Variants in ATP8A1 observed in about 807,000 individuals in gnomAD.
ATP8A1 encodes the protein phospholipid-transporting ATPase IA.
Under a neutral mutation model 177.7 loss-of-function variants are expected in ATP8A1, and 90 were observed. The observed-to-expected ratio is 0.51, with a 90% CI of 0.43 to 0.60. The LOEUF is 0.60. Among genes scored for constraint, ATP8A1 ranks in the 20% least tolerant of loss-of-function variants. The probability of loss-of-function intolerance (pLI) is 0.00; values close to 1 mark genes in which losing one functional copy is unlikely to be tolerated. For missense variants in ATP8A1, 1,072 were observed against 1,392.8 expected (o/e 0.77, Z 3.67); for synonymous variants, 493 against 485.9 (o/e 1.01, Z -0.19).
At chr4:42,550,639 A>G (rs1197842208) in intron 18 of ATP8A1, among the ~76,000 whole-genome samples, 1 of 152,196 alleles carries the variant, frequency 6.6e-6, no homozygotes, top group Non-Finnish European at 1.5e-5. Context: ...TTAGAAAATA[A>G]AAGAAAAAGT....
rs960443546 is a variant in ATP8A1, at chr4:42,559,601, T to G, written c.1341-3561A>C. ...AATTTAAAATACTTTGATTCAGTAA[T>G]TCCAGTTCTAGGAATTTATATTGTT... On this transcript the variant is annotated intron_variant, in intron 15 of 36. Transcript: ENST00000381668. 2.0e-5 allele frequency among the ~76,000 whole-genome samples: 3 copies of G among 152,246 alleles called. No individual in the cohort carries two copies. The East Asian group carries it at 5.8e-4, about 29-fold the overall frequency.
intron 4 of ATP8A1, among the ~76,000 whole-genome samples, chr4:42,624,224 A>G (rs1737803327): frequency 6.6e-6 from 1 of 152,060 alleles, no homozygotes; most frequent in Non-Finnish European, 1.5e-5. Flanking sequence ...CACTTAGATA[A>G]TTTGGAGGGT....
intron 19 of ATP8A1, among the ~76,000 whole-genome samples, chr4:42,548,779 G>T (rs1360703890): frequency 6.6e-6 from 1 of 152,030 alleles, no homozygotes; most frequent in East Asian, 1.9e-4. Context: ...CTTTCAAAAA[G>T]ACTTTAAAAC....
chr4:42,461,052 T>C (rs1408204648), intron 27 of ATP8A1, among the ~76,000 whole-genome samples: 1 of 152,184 alleles, frequency 6.6e-6, no homozygotes, highest in Non-Finnish European at 1.5e-5. Context: ...TGGCCACACG[T>C]GCTCTTGAAC....
intron 19 of ATP8A1, among the ~76,000 whole-genome samples, chr4:42,547,000 A>G (rs1729003634): frequency 6.6e-6 from 1 of 152,114 alleles, no homozygotes; most frequent in Admixed American, 6.5e-5. Context: ...GATCCCATTC[A>G]GTTTTATGAC....
At chr4:42,636,475 A>C (rs185792270) in intron 1 of ATP8A1, among the ~76,000 whole-genome samples, 1 of 152,274 alleles carries the variant, frequency 6.6e-6, no homozygotes, top group Admixed American at 6.5e-5. Flanking sequence ...GGGTGCTTCA[A>C]AGGTAAAGAC....
intron 1 of ATP8A1, among the ~76,000 whole-genome samples, chr4:42,642,617 C>T (rs553578883): frequency 1.1e-4 from 16 of 151,992 alleles, no homozygotes; most frequent in South Asian, 4.2e-4. Context: ...GTGAGATTGC[C>T]GCACGCCCTA....
rs1728646385 is a variant in ATP8A1, at chr4:42,543,966, A to G, written c.1673T>C (p.Val558Ala). 6.2e-7 allele frequency: 1 copy of G among 1,613,298 alleles called. No homozygotes were observed. ...EFTSARKRMS[V>A]IVRTPSGKLR... The stretch of plus-strand genomic sequence containing the variant: ...CTTTCCAGATGGAGTGCGAACAATC[A>G]CTGACATTCTTTTCCTAGCACTGAA... The change falls in exon 20 of 37, where the codon GTG (valine) becomes GCG (alanine). Residue 558 changes from valine to alanine, a missense_variant. Physicochemically the swap from Val to Ala is moderately conservative, Grantham distance 64. This residue lies in a region of ATP8A1 where 388 missense variants were observed against 471.7 expected (regional missense o/e 0.82). Transcript: ENST00000381668.
At chr4:42,532,115 C>G (rs1727322173) in intron 20 of ATP8A1, among the ~76,000 whole-genome samples, 1 of 151,906 alleles carries the variant, frequency 6.6e-6, no homozygotes, top group Non-Finnish European at 1.5e-5. Context: ...AAAATACACA[C>G]ACACACAGAC....
In ATP8A1 at chr4:42,651,363, T is replaced by C. The variant is rs540877471; in HGVS notation, c.49+5462A>G. Among the ~76,000 whole-genome samples, 9 of 152,242 alleles carry C rather than the reference T, an allele frequency of 5.9e-5. No individual in the cohort carries two copies. In the South Asian group the frequency reaches 1.0e-3, roughly 18 times the overall value. ...GTAACAGGCAGAGGTTGAAAAAAGT[T>C]TGGAGGGCCCAGAAAGCAGGAAAAT... On this transcript the variant is annotated intron_variant, in intron 1 of 36. Coordinates refer to ENST00000381668, the MANE Select transcript of ATP8A1 (RefSeq NM_006095.2).
chr4:42,556,108 T>C (rs1487296206), intron 15 of ATP8A1, 68 bp from the exon 16 acceptor site: 5 of 1,137,700 alleles, frequency 4.4e-6, no homozygotes, highest in Non-Finnish European at 5.1e-6. Flanking sequence ...TTTGTTAATG[T>C]ACTTTATGAG....
At chr4:42,471,753 C>T in intron 25 of ATP8A1, 1 of 398,814 alleles carries the variant, frequency 2.5e-6, no homozygotes, top group Non-Finnish European at 4.8e-6. Context: ...CAGCACAAGG[C>T]AGAATTAAAA....
At chr4:42,491,844 A>C (rs781727074) in intron 24 of ATP8A1, among the ~76,000 whole-genome samples, 24 of 152,212 alleles carry the variant, frequency 1.6e-4, no homozygotes, top group Non-Finnish European at 2.5e-4. Flanking sequence ...AGTATTACTC[A>C]GGAACAAATC....
intron 5 of ATP8A1, among the ~76,000 whole-genome samples, chr4:42,610,775 T>C (rs956788924): frequency 1.3e-5 from 2 of 152,150 alleles, no homozygotes; most frequent in African/African-American, 2.4e-5. Flanking sequence ...ACTTAGGCCA[T>C]AAATATGCTT....
intron 27 of ATP8A1, among the ~76,000 whole-genome samples, chr4:42,458,146 G>C (rs1282065161): frequency 6.6e-6 from 1 of 152,186 alleles, no homozygotes; most frequent in African/African-American, 2.4e-5. Flanking sequence ...CCGATTTCAA[G>C]TTAGGCTGAG....
chr4:42,598,675 A>C (rs1365191897), intron 6 of ATP8A1, among the ~76,000 whole-genome samples: 1 of 152,158 alleles, frequency 6.6e-6, no homozygotes, highest in African/African-American at 2.4e-5. Flanking sequence ...CAAAGTTTGG[A>C]TGCTTTCTTT....
At position 42,425,294 on chromosome 4, in the gene ATP8A1, A is replaced by G. The variant is rs148474395; in HGVS notation, c.3124-1589T>C. On this transcript the variant is annotated intron_variant, in intron 33 of 36. Transcript: ENST00000381668. ...TGTATTAAATGTCCACCAGTGGAAA[A>G]GGCAAAAGTGGTGGAGATTCAAGGC... Among the ~76,000 whole-genome samples, 30 of 152,232 alleles carry G rather than the reference A, an allele frequency of 2.0e-4. No individual in the cohort carries two copies. The East Asian group carries it at 5.6e-3, about 28-fold the overall frequency.
chr4:42,634,242 T>C (rs924484695), intron 1 of ATP8A1, among the ~76,000 whole-genome samples: 1 of 152,206 alleles, frequency 6.6e-6, no homozygotes, highest in Non-Finnish European at 1.5e-5. Flanking sequence ...TGATGCTCCA[T>C]AGTACTACTG....
chr4:42,537,134 A>G (rs1168695705), intron 20 of ATP8A1, among the ~76,000 whole-genome samples: 1 of 144,776 alleles, frequency 6.9e-6, no homozygotes, highest in East Asian at 1.9e-4. Context: ...CTCCGTCTCA[A>G]AAAAAAAAAA....
Sources: allele counts gnomAD v4.1 joint callset (sites outside exome capture counted in the v4.1 genomes callset), GRCh38; gene constraint gnomAD v4.1.1; regional missense constraint gnomAD v4.1.1; transcripts MANE v1.5; gene names NCBI Gene and HGNC (gene_info 2026-07-23, HGNC 2026-07-21).